Variants in MTDH observed in about 807,000 individuals in gnomAD.
The protein encoded by MTDH is protein LYRIC.
Under a neutral mutation model 72.7 loss-of-function variants are expected in MTDH, and 34 were observed. The observed-to-expected ratio is 0.47, with a 90% CI of 0.36 to 0.62. The LOEUF (loss-of-function observed/expected upper bound fraction) is 0.62. MTDH is among the 20% of genes least tolerant of loss of function. MTDH has a pLI of 0.00. For missense variants in MTDH, 677 were observed against 699.4 expected, an observed-to-expected ratio of 0.97 and a Z score of 0.36; for synonymous variants, 266 against 268.9, an observed-to-expected ratio of 0.99 and a Z score of 0.10.
chr8:97,676,138 CT>C (rs1225995599), intron 2 of MTDH, among the ~76,000 whole-genome samples: 4 of 152,098 alleles, frequency 2.6e-5, no homozygotes, highest in African/African-American at 9.7e-5. Flanking sequence ...CAGGGTCTCA[CT>C]GTATTGCCCA....
At chr8:97,721,333 C>T (rs1175296640) in intron 10 of MTDH, among the ~76,000 whole-genome samples, 1 of 152,016 alleles carries the variant, frequency 6.6e-6, no homozygotes, top group East Asian at 1.9e-4. Context: ...GTCCCAGGTA[C>T]TTGGGGGACT....
intron 8 of MTDH, 94 bp from the exon 9 acceptor site, chr8:97,713,568 T>G (rs1332482563): frequency 1.5e-6 from 1 of 675,308 alleles, no homozygotes; most frequent in Non-Finnish European, 2.5e-6. Context: ...AAATGAAGAC[T>G]GTACCTAATG....
chr8:97,670,491 G>A (rs746868850), intron 2 of MTDH, among the ~76,000 whole-genome samples: 24 of 152,072 alleles, frequency 1.6e-4, no homozygotes, highest in Non-Finnish European at 3.2e-4. Flanking sequence ...GTGTGGTGGC[G>A]TGTGCCCGTA....
chr8:97,688,574 T>C (rs140254490), intron 4 of MTDH, among the ~76,000 whole-genome samples: 76 of 152,330 alleles, frequency 5.0e-4, no homozygotes, highest in African/African-American at 1.7e-3. Flanking sequence ...TTTTGTGTTA[T>C]AATGTGTATT....
intron 2 of MTDH, among the ~76,000 whole-genome samples, chr8:97,671,114 C>G (rs2130957500): frequency 6.6e-6 from 1 of 152,062 alleles, no homozygotes; most frequent in Admixed American, 6.6e-5. Context: ...TACAGGCGCC[C>G]ACCACCGCGC....
Position 97,644,778 on chromosome 8 carries a change from A to C in MTDH, c.272A>C (p.Glu91Ala). The C allele has an allele frequency of 6.5e-7, 1 of 1,547,942 alleles. No individual in the cohort carries two copies. Among genetic ancestry groups the C allele is most frequent in the Non-Finnish European group, 8.6e-7 (1 of 1,157,832 alleles). ...KRRSPPRKRE[E>A]AAAVPAAAPD... ...AGGAGCCCGCCCCGCAAGCGGGAGG[A>C]GGCGGCGGCCGTGCCGGCCGCGGCC... The change falls in exon 1 of 12, where the codon GAG becomes GCG. Residue 91 changes from glutamate (E) to alanine (A), a missense_variant. Coordinates refer to ENST00000336273, the MANE Select transcript of MTDH (RefSeq NM_178812.4).
At chr8:97,682,661 A>G (rs530911885) in intron 2 of MTDH, among the ~76,000 whole-genome samples, 4 of 152,014 alleles carry the variant, frequency 2.6e-5, no homozygotes, top group Non-Finnish European at 5.9e-5. Flanking sequence ...CTAATCTAAG[A>G]TAATCTTTTT....
intron 8 of MTDH, 49 bp downstream of exon 8, chr8:97,706,799 G>C (rs774846559): frequency 1.4e-5 from 22 of 1,573,642 alleles, no homozygotes; most frequent in African/African-American, 8.2e-5. Context: ...AAAGAGACAG[G>C]CTGGGCACAG....
intron 9 of MTDH, among the ~76,000 whole-genome samples, chr8:97,715,670 G>A (rs1382341058): frequency 1.3e-5 from 2 of 152,196 alleles, no homozygotes; most frequent in Non-Finnish European, 2.9e-5. Flanking sequence ...GCTGGTAGAT[G>A]AGAAATGTTA....
intron 6 of MTDH, among the ~76,000 whole-genome samples, chr8:97,694,122 A>G (rs1299726649): frequency 2.0e-5 from 3 of 152,140 alleles, no homozygotes; most frequent in African/African-American, 4.8e-5. Context: ...TGAGGGAGCA[A>G]TAGATACTAG....
intron 2 of MTDH, among the ~76,000 whole-genome samples, chr8:97,681,842 G>A (rs940705872): frequency 4.6e-5 from 7 of 152,152 alleles, no homozygotes; most frequent in Non-Finnish European, 7.4e-5. Context: ...CCTATTAGAT[G>A]ATAGCGCAGT....
At chr8:97,668,220 GA>G (rs1812468976) in intron 2 of MTDH, among the ~76,000 whole-genome samples, 2 of 152,124 alleles carry the variant, frequency 1.3e-5, no homozygotes, top group African/African-American at 4.8e-5. Flanking sequence ...CCGGGAGGCG[GA>G]GCTTGCAGTG....
At chr8:97,668,887 G>A (rs1195378538) in intron 2 of MTDH, among the ~76,000 whole-genome samples, 2 of 151,832 alleles carry the variant, frequency 1.3e-5, no homozygotes, top group African/African-American at 2.4e-5. Flanking sequence ...ATGATGTGAT[G>A]AGTTTTGGTG....
intron 6 of MTDH, among the ~76,000 whole-genome samples, chr8:97,695,345 C>T (rs936208249): frequency 2.0e-5 from 3 of 152,078 alleles, no homozygotes; most frequent in African/African-American, 7.2e-5. Context: ...AACTCCTGAC[C>T]TCATAATCTG....
chr8:97,706,837 T>C, intron 8 of MTDH, 87 bp downstream of exon 8: 2 of 1,440,018 alleles, frequency 1.4e-6, no homozygotes, highest in South Asian at 1.5e-5. Context: ...TCCAGCACTT[T>C]GGGAGGTACT....
At chr8:97,682,409 C>A (rs1586239741) in intron 2 of MTDH, among the ~76,000 whole-genome samples, 2 of 144,164 alleles carry the variant, frequency 1.4e-5, no homozygotes, top group Non-Finnish European at 3.0e-5. Context: ...AGCGATTCTC[C>A]TGCCTCAGCC....
chr8:97,711,847 A>T (rs576303841), intron 8 of MTDH, among the ~76,000 whole-genome samples: 4 of 152,244 alleles, frequency 2.6e-5, no homozygotes, highest in Non-Finnish European at 5.9e-5. Context: ...GTGTCTTTCA[A>T]AGTACTTTAA....
At chr8:97,704,923 C>T (rs1390595280) in intron 7 of MTDH, among the ~76,000 whole-genome samples, 2 of 152,066 alleles carry the variant, frequency 1.3e-5, no homozygotes, top group African/African-American at 4.8e-5. Flanking sequence ...AAATGTATTG[C>T]AGAGTTATGT....
intron 8 of MTDH, among the ~76,000 whole-genome samples, chr8:97,709,886 T>C (rs892306721): frequency 6.6e-6 from 1 of 152,214 alleles, no homozygotes; most frequent in Non-Finnish European, 1.5e-5. Context: ...TCATGGGAGT[T>C]AAAAGTTGTA....
Sources: allele counts gnomAD v4.1 joint callset (sites outside exome capture counted in the v4.1 genomes callset), GRCh38; gene constraint gnomAD v4.1.1; transcripts MANE v1.5; gene names NCBI Gene and HGNC (gene_info 2026-07-23, HGNC 2026-07-21).